Variants in IFT43 observed in about 807,000 individuals in gnomAD.
IFT43 encodes the protein intraflagellar transport protein 43 homolog.
A neutral mutation model predicts 32.3 loss-of-function variants in IFT43; 33 were observed. The ratio of observed to expected loss-of-function variants is 1.02; its 90% confidence interval spans 0.77 to 1.37. The LOEUF (loss-of-function observed/expected upper bound fraction) is 1.37, where lower values mean the gene tolerates loss of function less well. Ranked by LOEUF, IFT43 falls within the 40% of genes most tolerant of loss-of-function variation. The probability of loss-of-function intolerance (pLI) is 0.00; values close to 1 mark genes in which losing one functional copy is unlikely to be tolerated. For synonymous variants in IFT43, 93 were observed against 98.2 expected (o/e 0.95, Z 0.31); for missense variants, 274 against 265.9 (o/e 1.03, Z -0.21).
intron 2 of IFT43, among the ~76,000 whole-genome samples, chr14:76,015,358 C>T (rs2036168506): frequency 6.6e-6 from 1 of 152,186 alleles, no homozygotes; most frequent in African/African-American, 2.4e-5. Flanking sequence ...CCTCCTCTCC[C>T]CTCTGCTTCA....
chr14:76,019,836 A>G (rs1217648234), intron 2 of IFT43, among the ~76,000 whole-genome samples: 2 of 151,702 alleles, frequency 1.3e-5, no homozygotes, highest in Non-Finnish European at 2.9e-5. Flanking sequence ...GATCTAGTTT[A>G]TTATTGAAGC....
intron 2 of IFT43, chr14:76,013,611 T>C (rs1351134951): frequency 4.8e-6 from 1 of 208,950 alleles, no homozygotes; most frequent in Non-Finnish European, 1.0e-5. Context: ...GGACTGTCTA[T>C]GCAAAAGAAA....
intron 3 of IFT43, among the ~76,000 whole-genome samples, chr14:76,043,023 G>A (rs190641532): frequency 7.2e-5 from 11 of 152,252 alleles, no homozygotes; most frequent in Admixed American, 5.9e-4. Flanking sequence ...CAGAGCCCTG[G>A]GCTGGGATGA....
intron 3 of IFT43, among the ~76,000 whole-genome samples, chr14:76,024,364 C>T (rs530853864): frequency 6.6e-6 from 1 of 152,292 alleles, no homozygotes; most frequent in African/African-American, 2.4e-5. Flanking sequence ...GTAATTAAGT[C>T]ATCTCTTGTT....
At chr14:75,994,103 C>CT (rs746640100) in intron 2 of IFT43, among the ~76,000 whole-genome samples, 1,916 of 143,916 alleles carry the variant, frequency 0.013, 39 homozygotes, top group South Asian at 0.04. Context: ...ATAGAAAGCC[C>CT]TTTTTTTTTT....
intron 2 of IFT43, chr14:76,014,065 T>C: frequency 3.7e-6 from 1 of 271,528 alleles, no homozygotes; most frequent in Non-Finnish European, 7.7e-6. Context: ...AGCTGAAGAG[T>C]ACTCTAAGGA....
intron 3 of IFT43, among the ~76,000 whole-genome samples, chr14:76,034,129 A>G (rs2036556584): frequency 6.6e-6 from 1 of 152,212 alleles, no homozygotes. Context: ...ATTGTGCTAG[A>G]TACTTGTCTT....
intron 3 of IFT43, among the ~76,000 whole-genome samples, chr14:76,036,457 A>G (rs1224964453): frequency 2.1e-5 from 3 of 143,940 alleles, no homozygotes; most frequent in African/African-American, 7.8e-5. Context: ...CCAGCCTATA[A>G]TGCAGTGGTG....
chr14:76,021,308 C>T (rs932905829), intron 2 of IFT43, among the ~76,000 whole-genome samples: 4 of 152,046 alleles, frequency 2.6e-5, no homozygotes, highest in Non-Finnish European at 4.4e-5. Flanking sequence ...TTAATCCACC[C>T]ACCAATTTAG....
intron 3 of IFT43, among the ~76,000 whole-genome samples, chr14:76,039,894 T>A (rs1022366344): frequency 1.3e-5 from 2 of 152,188 alleles, no homozygotes; most frequent in East Asian, 1.9e-4. Flanking sequence ...TCTGCACTTT[T>A]AAAAAAATCT....
intron 5 of IFT43, among the ~76,000 whole-genome samples, chr14:76,064,463 C>G (rs1594857616): frequency 6.6e-6 from 1 of 152,122 alleles, no homozygotes; most frequent in South Asian, 2.1e-4. Flanking sequence ...CAGACGTGAG[C>G]AAAGTGGGTA....
intron 2 of IFT43, among the ~76,000 whole-genome samples, chr14:75,989,432 C>T (rs1321178387): frequency 2.0e-5 from 3 of 151,692 alleles, no homozygotes; most frequent in African/African-American, 7.3e-5. Flanking sequence ...TTCCGAGTAG[C>T]CTGGAATTAT....
At chr14:75,999,972 G>A (rs2035851629) in intron 2 of IFT43, among the ~76,000 whole-genome samples, 1 of 152,242 alleles carries the variant, frequency 6.6e-6, no homozygotes, top group African/African-American at 2.4e-5. Context: ...GATAGAGTGG[G>A]AGAGCTTGTT....
At chr14:76,028,331 G>A (rs1217173192) in intron 3 of IFT43, among the ~76,000 whole-genome samples, 3 of 152,126 alleles carry the variant, frequency 2.0e-5, no homozygotes, top group East Asian at 3.8e-4. Context: ...ATCAGGGATT[G>A]CAAAATTTTA....
At position 76,037,736 on chromosome 14, in the gene IFT43, G is replaced by T. The variant is rs184610151; in HGVS notation, c.215+15342G>T. On this transcript the variant is annotated intron_variant, in intron 3 of 8. Coordinates refer to ENST00000314067, the MANE Select transcript of IFT43 (RefSeq NM_001102564.3). ...ATTGAACTGATTAAGAGCTGCAGCT[G>T]CCTTTGCCTTTGCATTACTATTAAT... Among the ~76,000 whole-genome samples, 1,392 of 149,752 alleles carry T rather than the reference G, an allele frequency of 9.3e-3. 6 individuals are homozygous for T. The highest frequency in any genetic ancestry group is 0.013 in the Non-Finnish European group (869 of 67,668).
At chr14:76,044,061 T>C (rs2036758302) in intron 3 of IFT43, among the ~76,000 whole-genome samples, 1 of 152,032 alleles carries the variant, frequency 6.6e-6, no homozygotes, top group Non-Finnish European at 1.5e-5. Flanking sequence ...TTTGGTTTTT[T>C]TTTTTTGAAA....
At chr14:76,031,151 A>G (rs955138117) in intron 3 of IFT43, among the ~76,000 whole-genome samples, 1 of 151,386 alleles carries the variant, frequency 6.6e-6, no homozygotes, top group East Asian at 1.9e-4. Flanking sequence ...GTGTCAGTGA[A>G]CTATGGCCCA....
intron 2 of IFT43, among the ~76,000 whole-genome samples, chr14:75,996,142 C>T (rs117874013): frequency 0.016 from 2,502 of 152,338 alleles, 28 homozygotes; most frequent in Non-Finnish European, 0.026. Context: ...AGATTCTCCT[C>T]CTCGCCTATG....
chr14:76,026,924 C>G (rs1356515027), intron 3 of IFT43, among the ~76,000 whole-genome samples: 1 of 152,196 alleles, frequency 6.6e-6, no homozygotes, highest in African/African-American at 2.4e-5. Flanking sequence ...AGATCATGTC[C>G]TTTGCAGGAA....
Sources: allele counts gnomAD v4.1 joint callset (sites outside exome capture counted in the v4.1 genomes callset), GRCh38; gene constraint gnomAD v4.1.1; transcripts MANE v1.5; gene names NCBI Gene and HGNC (gene_info 2026-07-23, HGNC 2026-07-21).